The following KLHL6 variants were observed in gnomAD, a reference collection of about 807,000 sequenced individuals.
The protein encoded by KLHL6 is kelch-like protein 6.
KLHL6 carries 41 observed loss-of-function variants against 58.6 expected under a neutral mutation model. That is an observed-to-expected ratio of 0.70 (90% CI 0.55 to 0.91). The LOEUF (loss-of-function observed/expected upper bound fraction) is 0.91. Among genes scored for constraint, KLHL6 ranks in the 40% least tolerant of loss-of-function variants. The pLI, the probability that KLHL6 is intolerant of heterozygous loss-of-function variation, is 0.00. For missense variants in KLHL6, 714 were observed against 805.6 expected (o/e 0.89, Z 1.38); for synonymous variants, 338 against 322.7 (o/e 1.05, Z -0.51).
At chr3:183,494,651 A>G (rs1160914531) in intron 4 of KLHL6, among the ~76,000 whole-genome samples, 2 of 152,212 alleles carry the variant, frequency 1.3e-5, no homozygotes, top group Admixed American at 6.5e-5. Context: ...GGGAGCAGGA[A>G]GCAAGGCTGG....
intron 2 of KLHL6, among the ~76,000 whole-genome samples, chr3:183,511,028 T>C (rs1023214449): frequency 6.6e-6 from 1 of 152,104 alleles, no homozygotes. Context: ...GAAAGAACAG[T>C]GGGCCCAGGG....
intron 1 of KLHL6, among the ~76,000 whole-genome samples, chr3:183,553,553 C>T (rs1011045143): frequency 5.3e-5 from 8 of 152,204 alleles, no homozygotes; most frequent in African/African-American, 1.9e-4. Flanking sequence ...AGAGGGGCTG[C>T]AGTCAACGTG....
chr3:183,536,746 T>A (rs1015972570), intron 1 of KLHL6, among the ~76,000 whole-genome samples: 5 of 152,126 alleles, frequency 3.3e-5, no homozygotes, highest in African/African-American at 7.2e-5. Flanking sequence ...TAGGAGACAC[T>A]TAGGGGTAAG....
rs1482480129 is a variant in KLHL6 at position 183,489,627 on chromosome 3, T to A, written c.*2300A>T. 6.6e-6 allele frequency: 1 copy of A among 152,206 alleles called. No individual in the cohort carries two copies. Among genetic ancestry groups the A allele is most frequent in the Non-Finnish European group, 1.5e-5 (1 of 68,036 alleles). The allele number at this position is 152,206 out of a possible 1,614,324, so 9.4% of individuals were successfully genotyped here. A position where few individuals can be genotyped will look rare whatever the true frequency, so the allele number is the denominator to read the frequency against. On this transcript the variant is annotated 3_prime_UTR_variant, in exon 7 of 7. Transcript: ENST00000341319. ...ATTGCTTCAGTTGGGAGCTTCCTGA[T>A]GGTTATTATAGTGCTCATGAGTCAG...
intron 4 of KLHL6, among the ~76,000 whole-genome samples, chr3:183,497,631 C>T (rs1457139482): frequency 6.6e-6 from 1 of 152,054 alleles, no homozygotes; most frequent in African/African-American, 2.4e-5. Context: ...CTTTTATGAG[C>T]AGGTGTGACT....
Position 183,488,001 on chromosome 3 carries a change from T to C in KLHL6, c.*3926A>G, listed in dbSNP as rs922305782. ...TTCTATAAATAGCTAAGCTATACTTTACAGCTATAAGAACGTGATATTTGT... is the reference window on the plus strand; with the variant it reads ...TTCTATAAATAGCTAAGCTATACTTCACAGCTATAAGAACGTGATATTTGT... On this transcript the variant is annotated 3_prime_UTR_variant, in exon 7 of 7. Transcript: ENST00000341319. The C allele has an allele frequency of 6.6e-6, 1 of 152,254 alleles. No homozygotes were observed. Among genetic ancestry groups the C allele is most frequent in the South Asian group, 2.1e-4 (1 of 4,836 alleles). The allele number at this position is 152,254 out of a possible 1,614,324, so 9.4% of individuals were successfully genotyped here.
chr3:183,491,847 T>A lies in KLHL6; in HGVS notation c.*80A>T, dbSNP rs1476116218. 107 of 1,283,886 alleles carry A rather than the reference T, an allele frequency of 8.3e-5. No individual in the cohort carries two copies. The highest frequency in any genetic ancestry group is 1.1e-4 in the Non-Finnish European group (105 of 964,946). The allele number at this position is 1,283,886 out of a possible 1,614,324, so 79.5% of individuals were successfully genotyped here. ...TGGCCTCAAACTCGAGCCTGCTGCC[T>A]GAAGTGGGACTGGAGGAGGGTGAGA... On this transcript the variant is annotated 3_prime_UTR_variant, in exon 7 of 7. Transcript: ENST00000341319.
intron 1 of KLHL6, among the ~76,000 whole-genome samples, chr3:183,549,894 G>A (rs186966558): frequency 2.0e-5 from 3 of 151,992 alleles, no homozygotes; most frequent in African/African-American, 4.8e-5. Context: ...GGCAACATAG[G>A]GAGACCTTGT....
At chr3:183,539,861 G>T (rs1473171666) in intron 1 of KLHL6, among the ~76,000 whole-genome samples, 1 of 152,184 alleles carries the variant, frequency 6.6e-6, no homozygotes, top group Non-Finnish European at 1.5e-5. Context: ...CCAGACCATT[G>T]CTGATGCCTC....
At chr3:183,506,775 C>A (rs1718019194) in intron 3 of KLHL6, among the ~76,000 whole-genome samples, 1 of 151,772 alleles carries the variant, frequency 6.6e-6, no homozygotes, top group African/African-American at 2.4e-5. Context: ...CTGCAGTGAG[C>A]TATGATTGCA....
intron 2 of KLHL6, chr3:183,523,263 T>A (rs1711832584): frequency 6.6e-6 from 1 of 152,320 alleles, no homozygotes; most frequent in South Asian, 2.1e-4. Flanking sequence ...ACCCAGGCCA[T>A]CAAGTCAGAC....
rs1479091703 is a variant in KLHL6, at chr3:183,488,317, T to C, written c.*3610A>G. ...CCCCACAGTAAGTTGGCCCAAATGC[T>C]GGGCCTGCTCTAACTTGTGCCTCTG... On this transcript the variant is annotated 3_prime_UTR_variant, in exon 7 of 7. Transcript: ENST00000341319. 1 of 152,270 alleles carries C rather than the reference T, an allele frequency of 6.6e-6. No individual in the cohort carries two copies. Among genetic ancestry groups the C allele is most frequent in the Non-Finnish European group, 1.5e-5 (1 of 68,082 alleles). The allele number at this position is 152,270 out of a possible 1,614,324, so 9.4% of individuals were successfully genotyped here. A position where few individuals can be genotyped will look rare whatever the true frequency, so the allele number is the denominator to read the frequency against.
At chr3:183,554,363 C>T (rs1577208781) in intron 1 of KLHL6, among the ~76,000 whole-genome samples, 2 of 152,252 alleles carry the variant, frequency 1.3e-5, no homozygotes, top group Admixed American at 6.5e-5. Context: ...TGTGTAGGAC[C>T]CTTTTCACGC....
At chr3:183,527,718 G>T in intron 2 of KLHL6, 127 bp downstream of exon 2, 2 of 735,924 alleles carry the variant, frequency 2.7e-6, no homozygotes, top group Non-Finnish European at 4.5e-6. Context: ...GTGTGTGTTT[G>T]TGTGCGTGTG....
In KLHL6 at chr3:183,492,362, C is replaced by T. The variant is rs1717586297; in HGVS notation, c.1564+132G>A. ...GAGAAACAGTCGATTGATGGCTCTCCTGAAAGCCAGAGTGGGTCCTAGGGG... is the reference window on the plus strand; with the variant it reads ...GAGAAACAGTCGATTGATGGCTCTCTTGAAAGCCAGAGTGGGTCCTAGGGG... On this transcript the variant is annotated intron_variant, in intron 6 of 6. Coordinates refer to ENST00000341319, the MANE Select transcript of KLHL6 (RefSeq NM_130446.4). This position sits in a 1 kb window ranked among gnomAD's most constrained non-coding sequence, Gnocchi z 5.9. 7 of 1,301,856 alleles carry T rather than the reference C, an allele frequency of 5.4e-6. No individual in the cohort carries two copies. Among genetic ancestry groups the T allele is most frequent in the Non-Finnish European group, 7.4e-6 (7 of 942,800 alleles). 80.6% of individuals were successfully genotyped at this position (1,301,856 alleles called of 1,614,324 possible). A position where few individuals can be genotyped will look rare whatever the true frequency, so the allele number is the denominator to read the frequency against.
At chr3:183,553,570 C>T (rs116757832) in intron 1 of KLHL6, among the ~76,000 whole-genome samples, 2,200 of 152,296 alleles carry the variant, frequency 0.014, 47 homozygotes, top group African/African-American at 0.05. Flanking sequence ...CGTGAAAGCA[C>T]GTGATCAAGG....
At position 183,508,448 on chromosome 3, in the gene KLHL6, A is replaced by T. The variant is rs1718083622; in HGVS notation, c.520T>A (p.Cys174Ser). ...TCAGCCAGCCTCAGTATTCCAACGC[A>T]GTTTTCTGGGTTCAAGGCTTCAGTG... ...FLTEALNPEN[C>S]VGILRLADTH... The change falls in exon 3 of 7, where the codon TGC (cysteine) becomes AGC (serine). Residue 174 changes from cysteine to serine, a missense_variant. Physicochemically the swap from Cys to Ser is moderately radical, Grantham distance 112. Coordinates refer to ENST00000341319, the MANE Select transcript of KLHL6 (RefSeq NM_130446.4). 6.2e-7 allele frequency: 1 copy of T among 1,614,192 alleles called. No homozygotes were observed. The highest frequency in any genetic ancestry group is 8.5e-7 in the Non-Finnish European group (1 of 1,180,044).
chr3:183,506,196 A>G (rs1200145706), intron 3 of KLHL6, among the ~76,000 whole-genome samples: 2 of 152,224 alleles, frequency 1.3e-5, no homozygotes, highest in East Asian at 3.8e-4. Context: ...CTGTCCCTAT[A>G]TCATTACTTC....
chr3:183,508,327 G>A lies in KLHL6; in HGVS notation c.641C>T (p.Pro214Leu), dbSNP rs1718074825. Reference sequence around the variant, plus strand: ...CAAGATGTGGTGCAGAGTGTCCACGGGCAGGTCAAGAAACTCCTCAGAGTT... The same window carrying A: ...CAAGATGTGGTGCAGAGTGTCCACGAGCAGGTCAAGAAACTCCTCAGAGTT... Reference protein sequence around the residue: ...ILNSEEFLDLPVDTLHHILKS... With the variant: ...ILNSEEFLDLLVDTLHHILKS... The change falls in exon 3 of 7, where the codon CCC becomes CTC. Residue 214 changes from proline to leucine, a missense_variant. Pro to Leu is a moderately conservative substitution (Grantham distance 98). Coordinates refer to ENST00000341319, the MANE Select transcript of KLHL6 (RefSeq NM_130446.4). 7 of 1,614,046 alleles carry A rather than the reference G, an allele frequency of 4.3e-6. No individual in the cohort carries two copies. In the South Asian group the frequency reaches 6.6e-5, roughly 15 times the overall value.
Sources: allele counts gnomAD v4.1 joint callset (sites outside exome capture counted in the v4.1 genomes callset), GRCh38; gene constraint gnomAD v4.1.1; non-coding constraint Gnocchi (gnomAD v3.1); transcripts MANE v1.5; gene names NCBI Gene and HGNC (gene_info 2026-07-23, HGNC 2026-07-21).